The following CRACD variants were observed in gnomAD, a reference collection of about 807,000 sequenced individuals.
CRACD encodes the protein capping protein inhibiting regulator of actin dynamics.
Under a neutral mutation model 106.8 loss-of-function variants are expected in CRACD, and 56 were observed. The ratio of observed to expected loss-of-function variants is 0.52; its 90% CI spans 0.42 to 0.66. CRACD has a LOEUF of 0.66. Among genes scored for constraint, CRACD ranks in the 30% least tolerant of loss-of-function variants. The pLI is 0.00. For missense variants in CRACD, 1,730 were observed against 1,623.2 expected (o/e 1.07, Z -1.13); for synonymous variants, 754 against 670.8 (o/e 1.12, Z -1.92).
intron 1 of CRACD, among the ~76,000 whole-genome samples, chr4:56,129,601 G>GTGAT (rs1734760435): frequency 1.3e-5 from 2 of 152,310 alleles, no homozygotes; most frequent in South Asian, 4.1e-4. Flanking sequence ...TGGTGCCTAG[G>GTGAT]TGATGGTCAC....
At chr4:56,253,172 G>T (rs1051101320) in intron 2 of CRACD, among the ~76,000 whole-genome samples, 1 of 152,136 alleles carries the variant, frequency 6.6e-6, no homozygotes, top group Non-Finnish European at 1.5e-5. Context: ...GCAACTTACA[G>T]ACCATACTCT....
intron 4 of CRACD, among the ~76,000 whole-genome samples, 188 bp downstream of exon 4, chr4:56,298,537 C>A (rs1023644168): frequency 2.6e-5 from 4 of 152,192 alleles, no homozygotes; most frequent in Non-Finnish European, 5.9e-5. Flanking sequence ...GCAAGAGCTA[C>A]ACTATCACCA....
chr4:56,189,862 A>G (rs1577724945), intron 2 of CRACD, among the ~76,000 whole-genome samples: 1 of 149,256 alleles, frequency 6.7e-6, no homozygotes, highest in African/African-American at 2.5e-5. Context: ...GTACATGTGC[A>G]CAATGTGCAG....
intron 8 of CRACD, among the ~76,000 whole-genome samples, chr4:56,319,999 C>G (rs1233538422): frequency 6.6e-6 from 1 of 152,000 alleles, no homozygotes; most frequent in African/African-American, 2.4e-5. Flanking sequence ...ATGGTGAAAC[C>G]CTGTCTCTAC....
chr4:56,057,625 G>GT (rs1196589410), intron 1 of CRACD, among the ~76,000 whole-genome samples: 9,821 of 125,022 alleles, frequency 0.079, 739 homozygotes, highest in African/African-American at 0.18. Context: ...GATAGGTTGG[G>GT]TTTTTTTTTT....
At chr4:56,098,001 G>A (rs746402700) in intron 1 of CRACD, among the ~76,000 whole-genome samples, 1 of 152,104 alleles carries the variant, frequency 6.6e-6, no homozygotes, top group Admixed American at 6.5e-5. Context: ...TGTATTTTTA[G>A]TTTTCCAAAA....
At chr4:56,142,524 C>T (rs1735239301) in intron 1 of CRACD, among the ~76,000 whole-genome samples, 1 of 151,900 alleles carries the variant, frequency 6.6e-6, no homozygotes, top group African/African-American at 2.4e-5. Context: ...TACTTTTATG[C>T]TAGGTGTTAT....
At chr4:56,208,899 C>T (rs1357208543) in intron 2 of CRACD, among the ~76,000 whole-genome samples, 1 of 152,160 alleles carries the variant, frequency 6.6e-6, no homozygotes, top group Admixed American at 6.5e-5. Context: ...AAAAACATTA[C>T]TCTCTGATAG....
At chr4:56,272,933 A>C (rs950660336) in intron 3 of CRACD, among the ~76,000 whole-genome samples, 2 of 149,910 alleles carry the variant, frequency 1.3e-5, no homozygotes, top group African/African-American at 4.9e-5. Context: ...AATGGGTTCC[A>C]TCTCTGGGAA....
At chr4:56,058,359 G>T (rs866205295) in intron 1 of CRACD, among the ~76,000 whole-genome samples, 1 of 152,196 alleles carries the variant, frequency 6.6e-6, no homozygotes, top group Non-Finnish European at 1.5e-5. Context: ...GTGAGCCACC[G>T]CACCTGGCCT....
chr4:56,268,773 A>T (rs887450806), intron 2 of CRACD, among the ~76,000 whole-genome samples: 14 of 152,236 alleles, frequency 9.2e-5, no homozygotes, highest in Admixed American at 7.9e-4. Flanking sequence ...TTTAAATTTT[A>T]AAAAATCAAC....
At chr4:56,166,340 G>A (rs1736143302) in intron 1 of CRACD, among the ~76,000 whole-genome samples, 1 of 152,134 alleles carries the variant, frequency 6.6e-6, no homozygotes, top group South Asian at 2.1e-4. Context: ...AATACAATGG[G>A]AAGATCCTAA....
Position 56,314,205 on chromosome 4 carries a change from T to G in CRACD, c.703T>G (p.Cys235Gly). 1 of 1,610,750 alleles carries G rather than the reference T, an allele frequency of 6.2e-7. No individual in the cohort carries two copies. The highest frequency in any genetic ancestry group is 8.5e-7 in the Non-Finnish European group (1 of 1,178,518). ...CTACTGGCGAGAACTGGAGGCCAAG[T>G]GCAAGCGGCAAAAGGCGGAAGCAGC... is the stretch of plus-strand genomic sequence containing the variant. ...EDYWRELEAK[C>G]KRQKAEAAEK... Residue 235 changes from cysteine to glycine, a missense_variant, in exon 8 of 11, where the codon TGC becomes GGC. Physicochemically the swap from Cys to Gly is radical, Grantham distance 159 (BLOSUM62 -3). This residue lies in a region of CRACD where 1,620 missense variants were observed against 1,481.6 expected (regional missense o/e 1.09). Transcript: ENST00000682029. This position sits in a 1 kb window ranked among gnomAD's most constrained non-coding sequence, Gnocchi z 4.4.
chr4:56,266,075 A>AC (rs897636441), intron 2 of CRACD, among the ~76,000 whole-genome samples: 1 of 152,100 alleles, frequency 6.6e-6, no homozygotes, highest in Non-Finnish European at 1.5e-5. Flanking sequence ...TAAATGAAAA[A>AC]AAAAACCTGA....
intron 1 of CRACD, among the ~76,000 whole-genome samples, chr4:56,084,082 A>G (rs1181822716): frequency 6.6e-6 from 1 of 152,210 alleles, no homozygotes; most frequent in African/African-American, 2.4e-5. Context: ...CATTATTAGA[A>G]TACCAAGAAA....
chr4:56,199,375 TGTGA>T (rs1737767649), intron 2 of CRACD, among the ~76,000 whole-genome samples: 2 of 152,038 alleles, frequency 1.3e-5, no homozygotes, highest in South Asian at 2.1e-4. Flanking sequence ...TTAATTTAGG[TGTGA>T]GTAACAGACT....
chr4:56,152,225 G>A (rs1175938654), intron 1 of CRACD, among the ~76,000 whole-genome samples: 13 of 151,388 alleles, frequency 8.6e-5, no homozygotes, highest in African/African-American at 2.9e-4. Context: ...CACTGTGTTA[G>A]CCAGGATGGT....
At chr4:56,248,082 C>G (rs1740800159) in intron 2 of CRACD, among the ~76,000 whole-genome samples, 1 of 152,172 alleles carries the variant, frequency 6.6e-6, no homozygotes, top group African/African-American at 2.4e-5. Context: ...CTGTGGGATC[C>G]CACTAGAGAA....
Position 56,303,612 on chromosome 4 carries a change from G to A in CRACD, c.121-3923G>A, listed in dbSNP as rs867917460. Among the ~76,000 whole-genome samples, 12 of 152,340 alleles carry A rather than the reference G, an allele frequency of 7.9e-5. No individual in the cohort carries two copies. In the Middle Eastern group the frequency reaches 0.01, roughly 130 times the overall value. On this transcript the variant is annotated intron_variant, in intron 4 of 10. Coordinates refer to ENST00000682029, the MANE Select transcript of CRACD (RefSeq NM_001393381.1). Reference sequence around the variant, plus strand: ...ACAGGTGTGAGCAGTAAACTTAATTGTTGATACAATAAATCACACAAAATG... The same window carrying A: ...ACAGGTGTGAGCAGTAAACTTAATTATTGATACAATAAATCACACAAAATG...
Sources: allele counts gnomAD v4.1 joint callset (sites outside exome capture counted in the v4.1 genomes callset), GRCh38; gene constraint gnomAD v4.1.1; regional missense constraint gnomAD v4.1.1; non-coding constraint Gnocchi (gnomAD v3.1); transcripts MANE v1.5; gene names NCBI Gene and HGNC (gene_info 2026-07-23, HGNC 2026-07-21).